The following NR3C2 variants were observed in gnomAD, a reference collection of about 807,000 sequenced individuals.
NR3C2 encodes mineralocorticoid receptor.
A neutral mutation model predicts 86.4 loss-of-function variants in NR3C2; 15 were observed. The observed-to-expected ratio is 0.17, with a 90% CI of 0.12 to 0.27. The LOEUF (loss-of-function observed/expected upper bound fraction) is 0.27. Among genes scored for constraint, NR3C2 ranks in the 10% least tolerant of loss-of-function variants. The pLI is 1.00. For synonymous variants in NR3C2, 458 were observed against 450.5 expected (o/e 1.02, Z -0.21); for missense variants, 960 against 1,195.6 (o/e 0.80, Z 2.91).
chr4:148,316,769 A>G (rs777884054), intron 2 of NR3C2, among the ~76,000 whole-genome samples: 3 of 152,008 alleles, frequency 2.0e-5, no homozygotes, highest in Non-Finnish European at 4.4e-5. Context: ...AATGCCCTCC[A>G]TTAGTTGTTT....
At chr4:148,357,372 C>T (rs1392917569) in intron 2 of NR3C2, among the ~76,000 whole-genome samples, 3 of 151,992 alleles carry the variant, frequency 2.0e-5, no homozygotes, top group Non-Finnish European at 4.4e-5. Context: ...TTAATGTTAT[C>T]GTCATCATTA....
At chr4:148,308,756 T>C (rs1213565449) in intron 2 of NR3C2, among the ~76,000 whole-genome samples, 1 of 152,086 alleles carries the variant, frequency 6.6e-6, no homozygotes. Context: ...GAGGCCAAGA[T>C]GGGCGGCTTG....
chr4:148,442,607 C>T, upstream of NR3C2: 3 of 981,116 alleles, frequency 3.1e-6, no homozygotes, highest in South Asian at 1.4e-4. Flanking sequence ...AAGCAAGGCT[C>T]CACGCCGCAC....
At chr4:148,260,570 C>G (rs1265860044) in intron 2 of NR3C2, among the ~76,000 whole-genome samples, 2 of 152,174 alleles carry the variant, frequency 1.3e-5, no homozygotes, top group Non-Finnish European at 2.9e-5. Context: ...TAAACCTCCC[C>G]TTTCCAAAAT....
chr4:148,134,503 A>C lies in NR3C2; in HGVS notation c.2511-14215T>G, dbSNP rs571866563. ...TTCGAAATTCTGTGAACTTCCTCTA[A>C]TCAGAACTAAGTAGCGGTGCAGTTT... On this transcript the variant is annotated intron_variant, in intron 6 of 8. Coordinates refer to ENST00000358102, the MANE Select transcript of NR3C2 (RefSeq NM_000901.5). Among the ~76,000 whole-genome samples the C allele has an allele frequency of 1.9e-4, 29 of 152,204 alleles. 1 individual carries two copies. The South Asian group carries it at 5.6e-3, about 29-fold the overall frequency.
At chr4:148,427,198 GCCTA>G (rs1482960883) in intron 2 of NR3C2, among the ~76,000 whole-genome samples, 1 of 151,934 alleles carries the variant, frequency 6.6e-6, no homozygotes, top group Non-Finnish European at 1.5e-5. Flanking sequence ...CAAGTGATGT[GCCTA>G]CCTTGGCCAC....
Position 148,360,124 on chromosome 4 carries a change from A to G in NR3C2, c.1757+74980T>C, listed in dbSNP as rs369143561. On this transcript the variant is annotated intron_variant, in intron 2 of 8. Transcript: ENST00000358102. ...TACAAAAACATAAAAGGGATATCCT[A>G]AGCCATTTAGAAAATCTTGGCAATA... is the stretch of plus-strand genomic sequence containing the variant. Among the ~76,000 whole-genome samples the G allele has an allele frequency of 6.6e-5, 10 of 152,326 alleles. No individual in the cohort carries two copies. The East Asian group carries it at 1.5e-3, about 23-fold the overall frequency.
chr4:148,390,107 C>G (rs1311372852), intron 2 of NR3C2, among the ~76,000 whole-genome samples: 1 of 149,796 alleles, frequency 6.7e-6, no homozygotes, highest in African/African-American at 2.5e-5. Flanking sequence ...TGATCAGGAA[C>G]CCTTCAAGTA....
rs932834264 is a variant in NR3C2 at position 148,323,851 on chromosome 4, C to T, written c.1758-63734G>A. 6.4e-5 allele frequency among the ~76,000 whole-genome samples: 9 copies of T among 140,908 alleles called. No homozygotes were observed. In the South Asian group the frequency reaches 7.0e-4, roughly 11 times the overall value. The allele number at this position is 140,908 out of a possible 152,430, so 92.4% of individuals were successfully genotyped here. On this transcript the variant is annotated intron_variant, in intron 2 of 8. Coordinates refer to ENST00000358102, the MANE Select transcript of NR3C2 (RefSeq NM_000901.5). ...AAATCACCGTCTTCTGCGTCGCTCACGCTGGGAGCTGTGGACCGGAGCTGT... is the reference window on the plus strand; with the variant it reads ...AAATCACCGTCTTCTGCGTCGCTCATGCTGGGAGCTGTGGACCGGAGCTGT...
At position 148,257,672 on chromosome 4, in the gene NR3C2, T is replaced by C. The variant is rs536574964; in HGVS notation, c.1897+2306A>G. ...TAATCTCATTAATTAAAAAATATTTTATATAAAGATAGCCATCTTTTTCAC... is the reference window on the plus strand; with the variant it reads ...TAATCTCATTAATTAAAAAATATTTCATATAAAGATAGCCATCTTTTTCAC... On this transcript the variant is annotated intron_variant, in intron 3 of 8. Transcript: ENST00000358102. Among the ~76,000 whole-genome samples, 33 of 152,216 alleles carry C rather than the reference T, an allele frequency of 2.2e-4. 1 individual carries two copies. The highest frequency in any genetic ancestry group is 7.9e-4 in the African/African-American group (33 of 41,568).
chr4:148,106,857 A>G (rs1034917488), intron 8 of NR3C2, among the ~76,000 whole-genome samples: 1 of 152,194 alleles, frequency 6.6e-6, no homozygotes, highest in Non-Finnish European at 1.5e-5. Flanking sequence ...ACAAAAATCA[A>G]CTCAAGATGG....
chr4:148,100,524 C>G (rs898803831), intron 8 of NR3C2, among the ~76,000 whole-genome samples: 2 of 152,206 alleles, frequency 1.3e-5, no homozygotes, highest in African/African-American at 4.8e-5. Flanking sequence ...TGAGTTACCA[C>G]TTCACAAGCA....
rs575782570 is a variant in NR3C2 at position 148,229,468 on chromosome 4, C to A, written c.1897+30510G>T. Among the ~76,000 whole-genome samples the A allele has an allele frequency of 3.9e-5, 6 of 152,214 alleles. No homozygotes were observed. In the East Asian group the frequency reaches 1.2e-3, roughly 29 times the overall value. On this transcript the variant is annotated intron_variant, in intron 3 of 8. Transcript: ENST00000358102. ...AACTAAGCAGCAAAATATTCTGCAT[C>A]AAAATAAGGTTATAGTCCTGTGTGT...
chr4:148,247,423 T>A (rs1490800538), intron 3 of NR3C2, among the ~76,000 whole-genome samples: 2 of 152,182 alleles, frequency 1.3e-5, no homozygotes, highest in Non-Finnish European at 2.9e-5. Context: ...AGTTCAGTAG[T>A]GGGCAACTTT....
At chr4:148,142,394 G>T (rs1733655694) in intron 6 of NR3C2, among the ~76,000 whole-genome samples, 1 of 152,108 alleles carries the variant, frequency 6.6e-6, no homozygotes, top group African/African-American at 2.4e-5. Context: ...AGATCACACA[G>T]TTTGGTTATG....
At chr4:148,305,875 T>C (rs1335754934) in intron 2 of NR3C2, among the ~76,000 whole-genome samples, 2 of 152,350 alleles carry the variant, frequency 1.3e-5, no homozygotes, top group Middle Eastern at 3.4e-3. Context: ...TTCCTGGCTG[T>C]TCCAGCTGCA....
chr4:148,112,928 A>G (rs1732108841), intron 8 of NR3C2, among the ~76,000 whole-genome samples: 1 of 152,192 alleles, frequency 6.6e-6, no homozygotes, highest in Admixed American at 6.5e-5. Flanking sequence ...AGAGTTTCCT[A>G]CTCAGATCTT....
rs375822002 is a variant in NR3C2, at chr4:148,251,011, T to C, written c.1897+8967A>G. On this transcript the variant is annotated intron_variant, in intron 3 of 8. Coordinates refer to ENST00000358102, the MANE Select transcript of NR3C2 (RefSeq NM_000901.5). The stretch of plus-strand genomic sequence containing the variant: ...TGTTGCCCAGGCCGAAGTGCAGTGG[T>C]GTGATCTCAGCTCACTATAGCCACA... 4.5e-4 allele frequency among the ~76,000 whole-genome samples: 69 copies of C among 152,072 alleles called. 1 individual carries two copies. Among genetic ancestry groups the C allele is most frequent in the Non-Finnish European group, 7.7e-4 (52 of 67,970 alleles).
At chr4:148,178,586 C>A (rs945156095) in intron 4 of NR3C2, among the ~76,000 whole-genome samples, 10 of 151,736 alleles carry the variant, frequency 6.6e-5, no homozygotes, top group African/African-American at 1.9e-4. Context: ...CAGTTCCTTT[C>A]TGAAAAATTG....
Sources: gnomAD v4.1 joint callset for allele counts (sites outside exome capture counted in the v4.1 genomes callset) on GRCh38, gnomAD v4.1.1 for gene constraint, MANE v1.5 for transcripts, NCBI Gene and HGNC (gene_info 2026-07-23, HGNC 2026-07-21) for gene names.